NACAD: variants seen among roughly 807,000 people sequenced by gnomAD.
NACAD encodes NAC-alpha domain-containing protein 1.
A neutral mutation model predicts 98.9 loss-of-function variants in NACAD; 47 were observed. The ratio of observed to expected loss-of-function variants is 0.48; its 90% CI spans 0.38 to 0.61. The LOEUF is 0.61. NACAD is among the 20% of genes least tolerant of loss of function. NACAD has a pLI of 0.00. For missense variants in NACAD, 1,412 were observed against 1,748.2 expected, an observed-to-expected ratio of 0.81 and a Z score of 3.43; for synonymous variants, 696 against 767.2, an observed-to-expected ratio of 0.91 and a Z score of 1.53.
Position 45,080,700 on chromosome 7 carries a change from G to T in NACAD, c.4614C>A (p.Ser1538=). 6.4e-7 allele frequency: 1 copy of T among 1,551,182 alleles called. No homozygotes were observed. The part of the protein sequence containing the change: ...IELVMAQANV[S]RAKAVRALRD... ...TCAGAGCCCGCACGGCCTTGGCCCT[G>T]GACACATTGGCCTGCGCCATCACCA... The change falls in exon 7 of 8, where the codon TCC becomes TCA. Residue 1538 remains serine (S), a synonymous_variant. Transcript: ENST00000490531.
rs544531995 is a variant in NACAD at position 45,086,072 on chromosome 7, T to C, written c.108A>G (p.Gly36=). The change falls in exon 2 of 8, where the codon GGA becomes GGG. Residue 36 remains glycine (G), a synonymous_variant. Transcript: ENST00000490531. ...CDAAAATTIL[G]GDRREPCALT... is the part of the protein sequence containing the mutation. ...GAGCACAGGGCTCCCGCCGGTCCCC[T>C]CCCAGGATGGTGGTGGCAGCGGCCG... is the stretch of plus-strand genomic sequence containing the variant. The C allele has an allele frequency of 5.9e-6, 9 of 1,536,168 alleles. No homozygotes were observed. The African/African-American group carries it at 1.1e-4, about 19-fold the overall frequency.
chr7:45,088,838 C>T lies in NACAD; in HGVS notation c.57G>A (p.Gly19=), dbSNP rs1339960396. The T allele has an allele frequency of 4.0e-6, 6 of 1,492,518 alleles. No homozygotes were observed. The highest frequency in any genetic ancestry group is 1.4e-5 in the African/African-American group (1 of 69,520). The allele number at this position is 1,492,518 out of a possible 1,614,324, so 92.5% of individuals were successfully genotyped here. A position where few individuals can be genotyped will look rare whatever the true frequency, so the allele number is the denominator to read the frequency against. ...ELLLPEADRP[G]PRTDLSCDAA... ...TGGCCACGGCCTCACCTGTGCGGGGCCCGGGTCGGTCCGCCTCGGGCAGCA... is the reference window on the plus strand; with the variant it reads ...TGGCCACGGCCTCACCTGTGCGGGGTCCGGGTCGGTCCGCCTCGGGCAGCA... The change falls in exon 1 of 8, where the codon GGG becomes GGA. Residue 19 remains glycine, a synonymous_variant. Coordinates refer to ENST00000490531, the MANE Select transcript of NACAD (RefSeq NM_001146334.2). The surrounding 1 kb of genome is among the most constrained non-coding windows in gnomAD (Gnocchi z 5.7).
Position 45,085,062 on chromosome 7 carries a change from C to T in NACAD, c.1118G>A (p.Gly373Asp), listed in dbSNP as rs1400658239. The change falls in exon 2 of 8, where the codon GGC (glycine) becomes GAC (aspartate). Residue 373 changes from glycine (G) to aspartate (D), a missense_variant. Coordinates refer to ENST00000490531, the MANE Select transcript of NACAD (RefSeq NM_001146334.2). The surrounding 1 kb of genome is among the most constrained non-coding windows in gnomAD (Gnocchi z 6.1). ...QSLSDLSITE[G>D]MDEAFAFRDD... ...CCGGAAGGCAAAAGCCTCGTCCATG[C>T]CCTCCGTGATGGACAGGTCAGACAG... 6.4e-7 allele frequency: 1 copy of T among 1,551,032 alleles called. No homozygotes were observed. Among genetic ancestry groups the T allele is most frequent in the East Asian group, 2.4e-5 (1 of 40,904 alleles).
At position 45,084,633 on chromosome 7, in the gene NACAD, C is replaced by T; in HGVS notation, c.1547G>A (p.Gly516Glu). The change falls in exon 2 of 8, where the codon GGA becomes GAA. Residue 516 changes from glycine to glutamate, a missense_variant. Physicochemically the swap from Gly to Glu is moderately conservative, Grantham distance 98. Around this residue, in one of 5 missense-constraint regions of NACAD, gnomAD observed 638 missense variants for 722.7 expected, o/e 0.88. Coordinates refer to ENST00000490531, the MANE Select transcript of NACAD (RefSeq NM_001146334.2). ...CATTGCCATGGCAGCAGATTCTTGT[C>T]CAGCGGTGGAGTCTGTTTCTTCCTC... ...AGEEETDSTA[G>E]QESAAMAMPQ... The T allele has an allele frequency of 1.9e-6, 3 of 1,551,534 alleles. No homozygotes were observed. Among genetic ancestry groups the T allele is most frequent in the Non-Finnish European group, 2.6e-6 (3 of 1,146,966 alleles).
rs1784433165 is a variant in NACAD at position 45,081,751 on chromosome 7, G to A, written c.4185+4C>T. The A allele has an allele frequency of 6.4e-7, 1 of 1,551,084 alleles. No individual in the cohort carries two copies. Among genetic ancestry groups the A allele is most frequent in the Admixed American group, 2.0e-5 (1 of 50,974 alleles). On this transcript the variant is annotated splice_donor_region_variant and intron_variant, in intron 3 of 7. Transcript: ENST00000490531. ...AGGCCCACCCTCTTCCCTGGACTGG[G>A]CACCTGGGCTGGACACTGCACGGTC...
Position 45,082,680 on chromosome 7 carries a change from C to A in NACAD, c.3500G>T (p.Cys1167Phe), listed in dbSNP as rs572745121. The change falls in exon 2 of 8, where the codon TGC becomes TTC. Residue 1167 changes from cysteine (C) to phenylalanine (F), a missense_variant. By Grantham distance (205) the Cys-to-Phe change is radical. Coordinates refer to ENST00000490531, the MANE Select transcript of NACAD (RefSeq NM_001146334.2). The surrounding 1 kb of genome is among the most constrained non-coding windows in gnomAD (Gnocchi z 4.5). ...VGAVSSLDRG[C>F]PDAPAPTSAP... Reference sequence around the variant, plus strand: ...AGACGTGGGGGCAGGCGCGTCAGGGCAGCCTCTGTCCAGACTGGACACAGC... The same window carrying A: ...AGACGTGGGGGCAGGCGCGTCAGGGAAGCCTCTGTCCAGACTGGACACAGC... 1.3e-6 allele frequency: 2 copies of A among 1,507,302 alleles called. No homozygotes were observed. Among genetic ancestry groups the A allele is most frequent in the East Asian group, 2.5e-5 (1 of 40,492 alleles). The allele number at this position is 1,507,302 out of a possible 1,614,324, so 93.4% of individuals were successfully genotyped here.
rs1232950487 is a variant in NACAD, at chr7:45,083,225, G to A, written c.2955C>T (p.Ala985=). ...CTGCAGGCTCCGGGACTGTAGGGAGGGCTGCATTCTTCTCCTCAGGTGCTG... is the reference window on the plus strand; with the variant it reads ...CTGCAGGCTCCGGGACTGTAGGGAGAGCTGCATTCTTCTCCTCAGGTGCTG... ...PRPAPEEKNA[A]LPTVPEPAAL... is the part of the protein sequence containing the mutation. The change falls in exon 2 of 8, where the codon GCC becomes GCT. Residue 985 remains alanine, a synonymous_variant. Coordinates refer to ENST00000490531, the MANE Select transcript of NACAD (RefSeq NM_001146334.2). The A allele has an allele frequency of 6.4e-7, 1 of 1,550,882 alleles. No individual in the cohort carries two copies. The highest frequency in any genetic ancestry group is 1.2e-5 in the South Asian group (1 of 84,064).
intron 7 of NACAD, 31 bp downstream of exon 7, chr7:45,080,608 AG>A (rs1784413277): frequency 6.4e-7 from 1 of 1,551,424 alleles, no homozygotes; most frequent in Non-Finnish European, 8.7e-7. Flanking sequence ...GGGACAGCTC[AG>A]GGGTAGGGAA....
At chr7:45,087,310 G>T (rs1300615848) in intron 1 of NACAD, among the ~76,000 whole-genome samples, 6 of 152,238 alleles carry the variant, frequency 3.9e-5, no homozygotes, top group Non-Finnish European at 7.3e-5. Flanking sequence ...TTTCCTGTGT[G>T]CTCTAAATGC....
chr7:45,085,527 C>T lies in NACAD; in HGVS notation c.653G>A (p.Gly218Asp), dbSNP rs1474801952. 6.4e-7 allele frequency: 1 copy of T among 1,550,692 alleles called. No homozygotes were observed. The highest frequency in any genetic ancestry group is 8.7e-7 in the Non-Finnish European group (1 of 1,146,940). The change falls in exon 2 of 8, where the codon GGC (glycine) becomes GAC (aspartate). Residue 218 changes from glycine to aspartate, a missense_variant. Gly to Asp is a moderately conservative substitution (Grantham distance 94, BLOSUM62 -1). Transcript: ENST00000490531. The surrounding 1 kb of genome is among the most constrained non-coding windows in gnomAD (Gnocchi z 6.1). ...LLDSPPASPS[G>D]SYITADGDSW... ...GTCCCCATCGGCCGTAATGTAGGAG[C>T]CCGAGGGTGAGGCGGGGGGCGAGTC...
Position 45,082,749 on chromosome 7 carries a change from G to A in NACAD, c.3431C>T (p.Ala1144Val), listed in dbSNP as rs1031084809. 1.3e-6 allele frequency: 2 copies of A among 1,546,226 alleles called. No individual in the cohort carries two copies. Among genetic ancestry groups the A allele is most frequent in the East Asian group, 2.4e-5 (1 of 40,878 alleles). The change falls in exon 2 of 8, where the codon GCC (alanine) becomes GTC (valine). Residue 1144 changes from alanine to valine, a missense_variant. Ala to Val is a moderately conservative substitution (Grantham distance 64). Transcript: ENST00000490531. The surrounding 1 kb of genome is among the most constrained non-coding windows in gnomAD (Gnocchi z 4.5). Reference sequence around the variant, plus strand: ...GCAGGAGTCCAGACTGGCCTCTGTGGCCACAGCTGAGGGAAGCGTGGGCTC... The same window carrying A: ...GCAGGAGTCCAGACTGGCCTCTGTGACCACAGCTGAGGGAAGCGTGGGCTC... ...TPEPTLPSAV[A>V]TEASLDSCPE... is the part of the protein sequence containing the mutation.
Position 45,086,126 on chromosome 7 carries a change from GA to G in NACAD, c.68-15del. ...CGCAGGACAGATCTGTGGAGATAGA[GA>G]AGATCATGAGGTGCCCCTGGATGCA... On this transcript the variant is annotated splice_polypyrimidine_tract_variant and intron_variant, in intron 1 of 7. Transcript: ENST00000490531. 14 of 1,534,686 alleles carry G rather than the reference GA, an allele frequency of 9.1e-6. No homozygotes were observed. Among genetic ancestry groups the G allele is most frequent in the Non-Finnish European group, 1.2e-5 (14 of 1,146,328 alleles).
In NACAD at chr7:45,081,380, G is replaced by T; in HGVS notation, c.4258-117C>A. 3 of 1,417,448 alleles carry T rather than the reference G, an allele frequency of 2.1e-6. No homozygotes were observed. In the South Asian group the frequency reaches 4.3e-5, roughly 20 times the overall value. 87.8% of individuals were successfully genotyped at this position (1,417,448 alleles called of 1,614,324 possible). On this transcript the variant is annotated intron_variant, in intron 4 of 7. Coordinates refer to ENST00000490531, the MANE Select transcript of NACAD (RefSeq NM_001146334.2). ...ACCGCCAACTTCCCCAAGACCTTGG[G>T]CTGGTGGTTGGTCCTTCCCCATGAG...
rs1584015907 is a variant in NACAD at position 45,088,827 on chromosome 7, C to A, written c.67+1G>T. On this transcript the variant is annotated splice_donor_variant, in intron 1 of 7. Transcript: ENST00000490531. LOFTEE classifies it high-confidence loss of function. The surrounding 1 kb of genome is among the most constrained non-coding windows in gnomAD (Gnocchi z 5.7). Reference sequence around the variant, plus strand: ...CAGGGAAAGAGTGGCCACGGCCTCACCTGTGCGGGGCCCGGGTCGGTCCGC... The same window carrying A: ...CAGGGAAAGAGTGGCCACGGCCTCAACTGTGCGGGGCCCGGGTCGGTCCGC... The A allele has an allele frequency of 6.7e-7, 1 of 1,493,280 alleles. No individual in the cohort carries two copies. The allele number at this position is 1,493,280 out of a possible 1,614,324, so 92.5% of individuals were successfully genotyped here.
Position 45,085,839 on chromosome 7 carries a change from G to T in NACAD, c.341C>A (p.Thr114Asn), listed in dbSNP as rs1010628558. The stretch of plus-strand genomic sequence containing the variant: ...TCCCATCACAATCCGGGGCTCCAGG[G>T]TGGCCGGGAGAGGAGCCTCCGTGGA... Reference protein sequence around the residue: ...ALSTEAPLPATLEPRIVMGEE... With the variant: ...ALSTEAPLPANLEPRIVMGEE... Residue 114 changes from threonine (T) to asparagine (N), a missense_variant, in exon 2 of 8, where the codon ACC becomes AAC. This residue lies in a region of NACAD where 638 missense variants were observed against 722.7 expected (regional missense o/e 0.88). Transcript: ENST00000490531. The surrounding 1 kb of genome is among the most constrained non-coding windows in gnomAD (Gnocchi z 6.1). 1.2e-5 allele frequency: 18 copies of T among 1,542,080 alleles called. No individual in the cohort carries two copies. Among genetic ancestry groups the T allele is most frequent in the Non-Finnish European group, 1.5e-5 (17 of 1,143,070 alleles).
Position 45,084,772 on chromosome 7 carries a change from C to T in NACAD, c.1408G>A (p.Glu470Lys). The T allele has an allele frequency of 6.4e-7, 1 of 1,551,148 alleles. No individual in the cohort carries two copies. ...QRQELISEVT[E>K]EGLALGQEST... ...TCCTGGCCTAAAGCAAGGCCCTCTTCTGTTACTTCTGAGATCAATTCCTGT... is the reference window on the plus strand; with the variant it reads ...TCCTGGCCTAAAGCAAGGCCCTCTTTTGTTACTTCTGAGATCAATTCCTGT... Residue 470 changes from glutamate (E) to lysine (K), a missense_variant, in exon 2 of 8, where the codon GAA (glutamate) becomes AAA (lysine). Around this residue, in one of 5 missense-constraint regions of NACAD, gnomAD observed 638 missense variants for 722.7 expected, o/e 0.88. Transcript: ENST00000490531.
Position 45,082,340 on chromosome 7 carries a change from G to A in NACAD, c.3840C>T (p.Ala1280=), listed in dbSNP as rs767848146. The change falls in exon 2 of 8, where the codon GCC becomes GCT. Residue 1280 remains alanine (A), a synonymous_variant. Transcript: ENST00000490531. This position sits in a 1 kb window ranked among gnomAD's most constrained non-coding sequence, Gnocchi z 4.5. ...GTGTGGTTCCTGAGACAGCAGCAGCGGCAGGCTGGACTCCTGCCTGGGGCG... is the reference window on the plus strand; with the variant it reads ...GTGTGGTTCCTGAGACAGCAGCAGCAGCAGGCTGGACTCCTGCCTGGGGCG... The part of the protein sequence containing the change: ...LPPPQAGVQP[A]AAAVSGTTQP... 4.1e-5 allele frequency: 63 copies of A among 1,550,472 alleles called. No homozygotes were observed. In the South Asian group the frequency reaches 5.0e-4, roughly 12 times the overall value.
intron 1 of NACAD, among the ~76,000 whole-genome samples, chr7:45,087,004 C>T (rs943469840): frequency 6.6e-6 from 1 of 152,178 alleles, no homozygotes; most frequent in African/African-American, 2.4e-5. Flanking sequence ...TGATGCACTC[C>T]CCCAACCCGC....
chr7:45,083,326 C>T lies in NACAD; in HGVS notation c.2854G>A (p.Ala952Thr). Residue 952 changes from alanine (A) to threonine (T), a missense_variant, in exon 2 of 8, where the codon GCA becomes ACA. Physicochemically the swap from Ala to Thr is moderately conservative, Grantham distance 58 (BLOSUM62 0). Coordinates refer to ENST00000490531, the MANE Select transcript of NACAD (RefSeq NM_001146334.2). Reference protein sequence around the residue: ...VATPQTLQAEAGCAPGTEPVA... With the variant: ...VATPQTLQAETGCAPGTEPVA... ...GGCTCTGTCCCTGGGGCACAGCCTG[C>T]TTCTGCCTGCAAGGTTTGAGGGGTG... 1.9e-6 allele frequency: 3 copies of T among 1,551,254 alleles called. No individual in the cohort carries two copies. The highest frequency in any genetic ancestry group is 2.6e-6 in the Non-Finnish European group (3 of 1,147,002).
Sources: allele counts gnomAD v4.1 joint callset (sites outside exome capture counted in the v4.1 genomes callset), GRCh38; gene constraint gnomAD v4.1.1; regional missense constraint gnomAD v4.1.1; non-coding constraint Gnocchi (gnomAD v3.1); transcripts MANE v1.5; gene names NCBI Gene and HGNC (gene_info 2026-07-23, HGNC 2026-07-21).